The following OSCAR variants were observed in gnomAD, a reference collection of about 807,000 sequenced individuals.
OSCAR encodes osteoclast-associated immunoglobulin-like receptor.
Under a neutral mutation model 27.3 loss-of-function variants are expected in OSCAR, and 25 were observed. That is an observed-to-expected ratio of 0.92 (90% CI 0.67 to 1.28). The LOEUF (loss-of-function observed/expected upper bound fraction) is 1.28, where lower values mean the gene tolerates loss of function less well. OSCAR is among the 50% of genes most tolerant of loss of function. OSCAR has a pLI of 0.00. For missense variants in OSCAR, 354 were observed against 355.1 expected, an observed-to-expected ratio of 1.00 and a Z score of 0.03; for synonymous variants, 158 against 165.7, an observed-to-expected ratio of 0.95 and a Z score of 0.36.
At chr19:54,096,244 C>G (rs1434521916) in intron 3 of OSCAR, 91 bp from the exon 4 acceptor site, 3 of 1,118,316 alleles carry the variant, frequency 2.7e-6, no homozygotes, top group Non-Finnish European at 3.7e-6. Context: ...CTCTCGCTTT[C>G]TCTGTGCCTC....
chr19:54,100,153 C>T (rs1433982582), intron 1 of OSCAR, among the ~76,000 whole-genome samples: 2 of 152,156 alleles, frequency 1.3e-5, no homozygotes, highest in African/African-American at 4.8e-5. Flanking sequence ...GTGGCCAGCC[C>T]CATCTCATTG....
intron 2 of OSCAR, 196 bp downstream of exon 2, chr19:54,099,552 G>T (rs745347166): frequency 2.0e-6 from 3 of 1,537,758 alleles, no homozygotes; most frequent in South Asian, 2.2e-5. Context: ...TCCTAGCTTA[G>T]GCCTCTGCCT....
intron 2 of OSCAR, among the ~76,000 whole-genome samples, chr19:54,098,120 G>A (rs181990031): frequency 1.3e-5 from 2 of 151,938 alleles, no homozygotes; most frequent in African/African-American, 4.8e-5. Context: ...GGTAAGGAAG[G>A]CTTCTTAAAA....
In OSCAR at chr19:54,096,957, G is replaced by A. The variant is rs374054487; in HGVS notation, c.278C>T (p.Ala93Val). ...GCAGCAGCGGTAACTTCCCCCTTGG[G>A]CTGGAGTCACCTCCTCCAGAAAGAA... is the stretch of plus-strand genomic sequence containing the variant. Reference protein sequence around the residue: ...AEFFLEEVTPAQGGSYRCCYR... With the variant: ...AEFFLEEVTPVQGGSYRCCYR... The change falls in exon 3 of 5, where the codon GCC (alanine) becomes GTC (valine). Residue 93 changes from alanine to valine, a missense_variant. Physicochemically the swap from Ala to Val is moderately conservative, Grantham distance 64 (BLOSUM62 0). Coordinates refer to ENST00000358375, the MANE Select transcript of OSCAR (RefSeq NM_133169.6). 1 of 1,614,026 alleles carries A rather than the reference G, an allele frequency of 6.2e-7. No homozygotes were observed. The highest frequency in any genetic ancestry group is 1.3e-5 in the African/African-American group (1 of 74,902).
chr19:54,096,753 T>C, intron 3 of OSCAR, 109 bp downstream of exon 3: 1 of 1,219,770 alleles, frequency 8.2e-7, no homozygotes, highest in Non-Finnish European at 1.1e-6. Flanking sequence ...TTCTTGTGTC[T>C]GTGAATCTGT....
intron 2 of OSCAR, among the ~76,000 whole-genome samples, chr19:54,098,856 T>G (rs2072882925): frequency 6.6e-6 from 1 of 151,140 alleles, no homozygotes; most frequent in Non-Finnish European, 1.5e-5. Context: ...CATTGTGGTG[T>G]GTGCCTGTAG....
intron 3 of OSCAR, 105 bp from the exon 4 acceptor site, chr19:54,096,258 C>T (rs956829443): frequency 2.9e-6 from 3 of 1,025,712 alleles, no homozygotes; most frequent in African/African-American, 3.4e-5. Flanking sequence ...GTGCCTCTCT[C>T]TCTCTTTCTG....
At chr19:54,096,178 G>C in intron 3 of OSCAR, 25 bp from the exon 4 acceptor site, 1 of 1,478,032 alleles carries the variant, frequency 6.8e-7, no homozygotes, top group Non-Finnish European at 8.9e-7. Flanking sequence ...TGAGAGTCCG[G>C]GGCCGCGTGA....
At chr19:54,096,746 T>C in intron 3 of OSCAR, 116 bp downstream of exon 3, 2 of 1,161,098 alleles carry the variant, frequency 1.7e-6, no homozygotes, top group Non-Finnish European at 2.4e-6. Flanking sequence ...CTGTCTTTTC[T>C]TGTGTCTGTG....
At position 54,095,329 on chromosome 19, in the gene OSCAR, C is replaced by T. The variant is rs1435269313; in HGVS notation, c.684G>A (p.Gly228=). 9 of 1,574,024 alleles carry T rather than the reference C, an allele frequency of 5.7e-6. No individual in the cohort carries two copies. Among genetic ancestry groups the T allele is most frequent in the Non-Finnish European group, 7.8e-6 (9 of 1,160,054 alleles). The change falls in exon 5 of 5, where the codon GGG becomes GGA. Residue 228 remains glycine, a synonymous_variant. Transcript: ENST00000358375. The part of the protein sequence containing the change: ...EDSGSSDYTR[G]NLVRLGLAGL... ...CGGCCAGCCCCAGGCGGACTAGGTT[C>T]CCCCGGGTGTAGTCGGAGGAGCCAG... is the stretch of plus-strand genomic sequence containing the variant.
At chr19:54,095,787 G>A (rs1568535350) in intron 4 of OSCAR, 85 bp downstream of exon 4, 3 of 1,542,856 alleles carry the variant, frequency 1.9e-6, no homozygotes, top group East Asian at 2.5e-5. Context: ...GAGGCTGGGG[G>A]CCTGGGCTCC....
chr19:54,096,794 A>G lies in OSCAR; in HGVS notation c.373+68T>C, dbSNP rs1166156518. 7 of 1,516,326 alleles carry G rather than the reference A, an allele frequency of 4.6e-6. No homozygotes were observed. In the African/African-American group the frequency reaches 5.6e-5, roughly 12 times the overall value. 93.9% of individuals were successfully genotyped at this position (1,516,326 alleles called of 1,614,324 possible). A position where few individuals can be genotyped will look rare whatever the true frequency, so the allele number is the denominator to read the frequency against. On this transcript the variant is annotated intron_variant, in intron 3 of 4. Coordinates refer to ENST00000358375, the MANE Select transcript of OSCAR (RefSeq NM_133169.6). ...CGCCTCGCTCTGTCTCTCTTTCCCT[A>G]TATCTCTCTGTCCCTCCCCCAACTC...
intron 4 of OSCAR, 196 bp downstream of exon 4, chr19:54,095,676 G>C (rs946973521): frequency 1.9e-6 from 2 of 1,043,392 alleles, no homozygotes; most frequent in African/African-American, 1.6e-5. Context: ...GGAGCTGGAG[G>C]ACTAGACTCC....
In OSCAR at chr19:54,096,143, C is replaced by T. The variant is rs1038226331; in HGVS notation, c.384G>A (p.Pro128=). 126 of 1,521,552 alleles carry T rather than the reference C, an allele frequency of 8.3e-5. 1 individual carries two copies. The African/African-American group carries it at 1.3e-3, about 16-fold the overall frequency. 94.3% of individuals were successfully genotyped at this position (1,521,552 alleles called of 1,614,324 possible). A position where few individuals can be genotyped will look rare whatever the true frequency, so the allele number is the denominator to read the frequency against. The change falls in exon 4 of 5, where the codon CCG becomes CCA. Residue 128 remains proline, a synonymous_variant. Coordinates refer to ENST00000358375, the MANE Select transcript of OSCAR (RefSeq NM_133169.6). ...VLELLVTEEL[P]RPSLVALPGP... is the part of the protein sequence containing the mutation. ...CGGGCAGCGCCACCAGCGACGGCCG[C>T]GGCAGCTCCTCTGCAGAGACGGGGT...
chr19:54,098,639 G>C lies in OSCAR; in HGVS notation c.70+1109C>G, dbSNP rs983500328. 4.6e-5 allele frequency among the ~76,000 whole-genome samples: 7 copies of C among 152,034 alleles called. No homozygotes were observed. The East Asian group carries it at 1.2e-3, about 25-fold the overall frequency. ...TTCAAAGCTGCAGTGAGCTATGATA[G>C]AGCCACCGTACTCCAGCCCGGGTGA... On this transcript the variant is annotated intron_variant, in intron 2 of 4. Coordinates refer to ENST00000358375, the MANE Select transcript of OSCAR (RefSeq NM_133169.6).
rs1302161000 is a variant in OSCAR at position 54,096,163 on chromosome 19, C to G, written c.374-10G>C. ...GGCCGCGGCAGCTCCTCTGCAGAGA[C>G]GGGGTGAGAGTCCGGGGCCGCGTGA... On this transcript the variant is annotated splice_polypyrimidine_tract_variant and intron_variant, in intron 3 of 4. Transcript: ENST00000358375. 2 of 1,504,260 alleles carry G rather than the reference C, an allele frequency of 1.3e-6. No individual in the cohort carries two copies. The highest frequency in any genetic ancestry group is 1.8e-6 in the Non-Finnish European group (2 of 1,135,406). 93.2% of individuals were successfully genotyped at this position (1,504,260 alleles called of 1,614,324 possible). A position where few individuals can be genotyped will look rare whatever the true frequency, so the allele number is the denominator to read the frequency against.
At chr19:54,098,228 G>A (rs2072853115) in intron 2 of OSCAR, among the ~76,000 whole-genome samples, 1 of 152,084 alleles carries the variant, frequency 6.6e-6, no homozygotes, top group Non-Finnish European at 1.5e-5. Context: ...ACAAATGATA[G>A]TACTGGCAGA....
In OSCAR at chr19:54,096,915, C is replaced by G; in HGVS notation, c.320G>C (p.Trp107Ser). The stretch of plus-strand genomic sequence containing the variant: ...GGGCTGGGACCAGACACCCGGCCCC[C>G]AGTCTGGCCTTCGGTAGCAGCAGCG... ...SYRCCYRRPD[W>S]GPGVWSQPSD... The change falls in exon 3 of 5, where the codon TGG becomes TCG. Residue 107 changes from tryptophan to serine, a missense_variant. By Grantham distance (177) the Trp-to-Ser change is radical. Coordinates refer to ENST00000358375, the MANE Select transcript of OSCAR (RefSeq NM_133169.6). 1 of 1,614,166 alleles carries G rather than the reference C, an allele frequency of 6.2e-7. No individual in the cohort carries two copies. Among genetic ancestry groups the G allele is most frequent in the Non-Finnish European group, 8.5e-7 (1 of 1,180,010 alleles).
intron 1 of OSCAR, 69 bp from the exon 2 acceptor site, chr19:54,099,849 G>C: frequency 6.5e-7 from 1 of 1,528,272 alleles, no homozygotes; most frequent in South Asian, 1.2e-5. Flanking sequence ...GTCTCACTCT[G>C]TCGCCCAGGC....
Sources: gnomAD v4.1 joint callset for allele counts (sites outside exome capture counted in the v4.1 genomes callset) on GRCh38, gnomAD v4.1.1 for gene constraint, MANE v1.5 for transcripts, NCBI Gene and HGNC (gene_info 2026-07-23, HGNC 2026-07-21) for gene names.